The following LRP2 variants were observed in gnomAD, a reference collection of about 807,000 sequenced individuals.
LRP2 encodes LDL receptor related protein 2.
A neutral mutation model predicts 531.0 loss-of-function variants in LRP2; 172 were observed. That is an observed-to-expected ratio of 0.32 (90% CI 0.29 to 0.37). The LOEUF is 0.37. Among genes scored for constraint, LRP2 ranks in the 10% least tolerant of loss-of-function variants. The pLI, the probability that LRP2 is intolerant of heterozygous loss-of-function variation, is 1.00. For missense variants in LRP2, 5,167 were observed against 5,868.3 expected, an observed-to-expected ratio of 0.88 and a Z score of 3.90; for synonymous variants, 1,992 against 2,027.6, an observed-to-expected ratio of 0.98 and a Z score of 0.47.
chr2:169,232,503 A>C (rs1311642505), intron 30 of LRP2, among the ~76,000 whole-genome samples: 1 of 152,140 alleles, frequency 6.6e-6, no homozygotes, highest in Non-Finnish European at 1.5e-5. Context: ...GACGCTATAA[A>C]AGTGGAGTAT....
Position 169,128,709 on chromosome 2 carries a change from G to T in LRP2, c.13922C>A (p.Thr4641Asn). The change falls in exon 79 of 79, where the codon ACT becomes AAT. Residue 4641 changes from threonine to asparagine, a missense_variant. By Grantham distance (65) the Thr-to-Asn change is moderately conservative. Transcript: ENST00000649046. ...PTPTYSATED[T>N]FKDTANLVKE... ...AACAAGATTTGCGGTGTCTTTAAAAGTGTCTTCTGTTGCAGAATAGGTTGG... is the reference window on the plus strand; with the variant it reads ...AACAAGATTTGCGGTGTCTTTAAAATTGTCTTCTGTTGCAGAATAGGTTGG... The T allele has an allele frequency of 6.2e-7, 1 of 1,614,096 alleles. No individual in the cohort carries two copies. Among genetic ancestry groups the T allele is most frequent in the Non-Finnish European group, 8.5e-7 (1 of 1,179,976 alleles).
At chr2:169,156,166 G>A in intron 65 of LRP2, 108 bp downstream of exon 65, 1 of 1,490,224 alleles carries the variant, frequency 6.7e-7, no homozygotes, top group East Asian at 2.3e-5. Context: ...TAAAAAAAAA[G>A]AAAGAAAAGA....
At chr2:169,151,655 T>C (rs1407724556) in intron 67 of LRP2, among the ~76,000 whole-genome samples, 1 of 152,168 alleles carries the variant, frequency 6.6e-6, no homozygotes, top group Non-Finnish European at 1.5e-5. Flanking sequence ...TCTCAGTCTC[T>C]TACAAGCAGA....
chr2:169,231,994 A>T, intron 30 of LRP2, 152 bp from the exon 31 acceptor site: 1 of 922,870 alleles, frequency 1.1e-6, no homozygotes, highest in Non-Finnish European at 1.7e-6. Flanking sequence ...TTTTGTTTTC[A>T]CTGAACTACT....
chr2:169,161,535 G>A (rs1029759291), intron 63 of LRP2, among the ~76,000 whole-genome samples: 4 of 152,054 alleles, frequency 2.6e-5, no homozygotes, highest in African/African-American at 7.2e-5. Flanking sequence ...GGAGTACAGT[G>A]GCACAATCAC....
chr2:169,151,038 G>C lies in LRP2; in HGVS notation c.12462-12C>G, dbSNP rs1686099561. ...ACCAGTAAATATGCCTGAATTCAGA[G>C]GGACAAAGTTAAACAACTGCAAAGC... On this transcript the variant is annotated splice_polypyrimidine_tract_variant and intron_variant, in intron 67 of 78. Coordinates refer to ENST00000649046, the MANE Select transcript of LRP2 (RefSeq NM_004525.3). 6.2e-7 allele frequency: 1 copy of C among 1,613,796 alleles called. No individual in the cohort carries two copies. Among genetic ancestry groups the C allele is most frequent in the Non-Finnish European group, 8.5e-7 (1 of 1,179,758 alleles).
intron 1 of LRP2, among the ~76,000 whole-genome samples, chr2:169,350,341 T>C (rs1685813630): frequency 6.6e-6 from 1 of 152,078 alleles, no homozygotes; most frequent in Non-Finnish European, 1.5e-5. Context: ...GTTGGATATG[T>C]GGGTCTAGAC....
chr2:169,292,454 C>A, intron 6 of LRP2, 85 bp from the exon 7 acceptor site: 1 of 888,582 alleles, frequency 1.1e-6, no homozygotes, highest in Non-Finnish European at 1.9e-6. Flanking sequence ...CTAAGCAGTA[C>A]TCCTAGAAAT....
rs2105407541 is a variant in LRP2 at position 169,257,177 on chromosome 2, C to A, written c.2586G>T (p.Leu862Phe). 7 of 1,612,838 alleles carry A rather than the reference C, an allele frequency of 4.3e-6. No homozygotes were observed. Among genetic ancestry groups the A allele is most frequent in the Non-Finnish European group, 5.9e-6 (7 of 1,179,190 alleles). The change falls in exon 18 of 79, where the codon TTG (leucine) becomes TTT (phenylalanine). Residue 862 changes from leucine to phenylalanine, a missense_variant. Physicochemically the swap from Leu to Phe is conservative, Grantham distance 22 (BLOSUM62 0). Around this residue, in one of 6 missense-constraint regions of LRP2, gnomAD observed 2,811 missense variants for 3,058.0 expected, o/e 0.92. Transcript: ENST00000649046. ...MRAWSDGSHL[L>F]PVINTTLGWP... ...ATCCAAGAGTAGTGTTTATTACAGGCAAGAGGTGAGATCCGTCACTCCATG... is the reference window on the plus strand; with the variant it reads ...ATCCAAGAGTAGTGTTTATTACAGGAAAGAGGTGAGATCCGTCACTCCATG...
rs368820980 is a variant in LRP2, at chr2:169,235,938, G to A, written c.4822C>T (p.Pro1608Ser). ...FWPCGLTIDY[P>S]NRLLYFMDSY... ...TCCATGAAGTAGAGCAGTCTGTTGG[G>A]GTAGTCAATAGTTAAGCCGCAGGGC... Residue 1608 changes from proline (P) to serine (S), a missense_variant, in exon 29 of 79, where the codon CCC becomes TCC. This residue lies in a region of LRP2 where 2,811 missense variants were observed against 3,058.0 expected (regional missense o/e 0.92). Coordinates refer to ENST00000649046, the MANE Select transcript of LRP2 (RefSeq NM_004525.3). The A allele has an allele frequency of 6.2e-7, 1 of 1,614,120 alleles. No individual in the cohort carries two copies.
At chr2:169,244,136 C>T (rs1689916986) in intron 22 of LRP2, among the ~76,000 whole-genome samples, 1 of 152,180 alleles carries the variant, frequency 6.6e-6, no homozygotes, top group Non-Finnish European at 1.5e-5. Context: ...CCTAGTCAGG[C>T]AACCAGGACT....
chr2:169,276,089 T>C (rs911209868), intron 13 of LRP2, among the ~76,000 whole-genome samples: 1 of 152,082 alleles, frequency 6.6e-6, no homozygotes, highest in African/African-American at 2.4e-5. Context: ...AAGAAAAGAC[T>C]TGAAGATATT....
At chr2:169,247,601 T>C in intron 19 of LRP2, 86 bp from the exon 20 acceptor site, 2 of 1,423,242 alleles carry the variant, frequency 1.4e-6, no homozygotes, top group Non-Finnish European at 2.0e-6. Flanking sequence ...AGGCTTGAAA[T>C]GCTTCTTGCA....
intron 34 of LRP2, among the ~76,000 whole-genome samples, chr2:169,218,714 G>A (rs1688882149): frequency 6.6e-6 from 1 of 152,132 alleles, no homozygotes; most frequent in Non-Finnish European, 1.5e-5. Flanking sequence ...CTTAAGGAGT[G>A]TGAGCAGAAG....
chr2:169,189,303 C>T (rs976992021), intron 48 of LRP2, among the ~76,000 whole-genome samples: 24 of 152,336 alleles, frequency 1.6e-4, no homozygotes, highest in African/African-American at 5.8e-4. Flanking sequence ...CTAACCAGCA[C>T]TGCCATCCAT....
rs1238114614 is a variant in LRP2 at position 169,154,488 on chromosome 2, A to G, written c.12267T>C (p.Tyr4089=). The G allele has an allele frequency of 1.2e-6, 2 of 1,612,766 alleles. No homozygotes were observed. The highest frequency in any genetic ancestry group is 1.3e-5 in the African/African-American group (1 of 74,880). The change falls in exon 66 of 79, where the codon TAT becomes TAC. Residue 4089 remains tyrosine (Y), a synonymous_variant. Transcript: ENST00000649046. ...GGCCTATGTCCTTGGGATCCCAATC[A>G]TAATCAACAGCTTGGATATATTCCT... The part of the protein sequence containing the change: ...QDEEYIQAVD[Y]DWDPKDIGLS...
chr2:169,170,908 G>A (rs1040206887), intron 58 of LRP2, among the ~76,000 whole-genome samples: 1 of 138,498 alleles, frequency 7.2e-6, no homozygotes. Context: ...TTTCTCTCTT[G>A]CTCTCTCTCT....
intron 10 of LRP2, among the ~76,000 whole-genome samples, chr2:169,282,281 T>C (rs1375521952): frequency 6.6e-6 from 1 of 152,166 alleles, no homozygotes; most frequent in Non-Finnish European, 1.5e-5. Context: ...TCCGGAGAAA[T>C]CAACAGCGAC....
rs1559041826 is a variant in LRP2 at position 169,256,231 on chromosome 2, G to A, written c.2645C>T (p.Ser882Leu). Residue 882 changes from serine to leucine, a missense_variant, in exon 19 of 79, where the codon TCA becomes TTA. Around this residue, in one of 6 missense-constraint regions of LRP2, gnomAD observed 2,811 missense variants for 3,058.0 expected, o/e 0.92. Coordinates refer to ENST00000649046, the MANE Select transcript of LRP2 (RefSeq NM_004525.3). ...PNGLAIDWAA[S>L]RLYWVDAYFD... The stretch of plus-strand genomic sequence containing the variant: ...ATAGGCATCTACCCAGTACAATCGT[G>A]AAGCACTAAAATAATAAAATATTTA... 6.2e-7 allele frequency: 1 copy of A among 1,611,820 alleles called. No homozygotes were observed. Among genetic ancestry groups the A allele is most frequent in the African/African-American group, 1.3e-5 (1 of 74,930 alleles).
Sources: allele counts gnomAD v4.1 joint callset (sites outside exome capture counted in the v4.1 genomes callset), GRCh38; gene constraint gnomAD v4.1.1; regional missense constraint gnomAD v4.1.1; transcripts MANE v1.5; gene names NCBI Gene and HGNC (gene_info 2026-07-23, HGNC 2026-07-21).